Variants in ZNF483 observed in about 807,000 individuals in gnomAD.
The protein encoded by ZNF483 is zinc finger protein 483.
Under a neutral mutation model 28.6 loss-of-function variants are expected in ZNF483, and 9 were observed. The observed-to-expected ratio is 0.32, with a 90% CI of 0.19 to 0.55. The LOEUF is 0.55. Among genes scored for constraint, ZNF483 ranks in the 20% least tolerant of loss-of-function variants. The pLI, the probability that ZNF483 is intolerant of heterozygous loss-of-function variation, is 0.93. For missense variants in ZNF483, 675 were observed against 871.7 expected (o/e 0.77, Z 2.84); for synonymous variants, 322 against 306.2 (o/e 1.05, Z -0.54).
chr9:111,545,996 G>A lies in ZNF483; in HGVS notation c.*2826G>A, dbSNP rs1015049313. Reference sequence around the variant, plus strand: ...AAACTGCCAAATTGTTTTCCAAAGTGACCGCATTATTTTACATTCTGACTA... The same window carrying A: ...AAACTGCCAAATTGTTTTCCAAAGTAACCGCATTATTTTACATTCTGACTA... On this transcript the variant is annotated 3_prime_UTR_variant, in exon 6 of 6. Transcript: ENST00000309235. Among the ~76,000 whole-genome samples, 8 of 152,142 alleles carry A rather than the reference G, an allele frequency of 5.3e-5. No homozygotes were observed. The highest frequency in any genetic ancestry group is 2.0e-4 in the Admixed American group (3 of 15,270).
intron 5 of ZNF483, chr9:111,539,706 T>G: frequency 5.1e-6 from 1 of 195,372 alleles, no homozygotes; most frequent in Non-Finnish European, 1.1e-5. Flanking sequence ...GAGATTGCGG[T>G]GAGCCAAGAT....
At chr9:111,530,327 A>G (rs1827290590) in intron 2 of ZNF483, among the ~76,000 whole-genome samples, 1 of 152,190 alleles carries the variant, frequency 6.6e-6, no homozygotes, top group Non-Finnish European at 1.5e-5. Context: ...TGCCCTATGC[A>G]ATGCCTCATC....
At chr9:111,540,961 G>A (rs565029005) in intron 5 of ZNF483, among the ~76,000 whole-genome samples, 1 of 152,136 alleles carries the variant, frequency 6.6e-6, no homozygotes, top group African/African-American at 2.4e-5. Flanking sequence ...TAAATGCAGT[G>A]TATTGTACTT....
chr9:111,545,589 A>G lies in ZNF483; in HGVS notation c.*2419A>G, dbSNP rs1384012480. ...CAGTTAATCTCCCGTCCAACCTCTA[A>G]TCCCAGGCACCCACTACTCAGTCGA... On this transcript the variant is annotated 3_prime_UTR_variant, in exon 6 of 6. Coordinates refer to ENST00000309235, the MANE Select transcript of ZNF483 (RefSeq NM_133464.5). Among the ~76,000 whole-genome samples the G allele has an allele frequency of 6.6e-6, 1 of 152,090 alleles. No individual in the cohort carries two copies. The highest frequency in any genetic ancestry group is 1.5e-5 in the Non-Finnish European group (1 of 68,010).
chr9:111,557,731 ATT>A (rs1828166620), downstream of ZNF483, among the ~76,000 whole-genome samples: 1 of 151,996 alleles, frequency 6.6e-6, no homozygotes, highest in Non-Finnish European at 1.5e-5. Flanking sequence ...TGCCCGGCCC[ATT>A]TGTCTCATTA....
intron 5 of ZNF483, among the ~76,000 whole-genome samples, chr9:111,574,548 C>T (rs1219201358): frequency 6.6e-6 from 1 of 151,112 alleles, no homozygotes; most frequent in Non-Finnish European, 1.5e-5. Flanking sequence ...GGCATTTTGC[C>T]ATGTTGCCCA....
At chr9:111,557,093 C>G (rs1828145371), downstream of ZNF483, among the ~76,000 whole-genome samples, 1 of 152,318 alleles carries the variant, frequency 6.6e-6, no homozygotes, top group Non-Finnish European at 1.5e-5. Context: ...ATTGTCTTGG[C>G]TATTAACATT....
intron 5 of ZNF483, among the ~76,000 whole-genome samples, chr9:111,573,998 C>A (rs769871627): frequency 6.6e-6 from 1 of 152,196 alleles, no homozygotes; most frequent in Admixed American, 6.5e-5. Context: ...GAGGCCAAGA[C>A]GCCCTACTGC....
At chr9:111,574,718 T>G in intron 5 of ZNF483, 1 of 1,582,920 alleles carries the variant, frequency 6.3e-7, no homozygotes, top group South Asian at 1.1e-5. Flanking sequence ...TGGGATCGTG[T>G]GCATGTGCTC....
chr9:111,557,669 A>T (rs1828164674), downstream of ZNF483, among the ~76,000 whole-genome samples: 1 of 151,854 alleles, frequency 6.6e-6, no homozygotes, highest in South Asian at 2.1e-4. Context: ...GCCTCAAGTG[A>T]TCCGCCCACC....
rs1175274040 is a variant in ZNF483 at position 111,553,847 on chromosome 9, G to A, written c.*10677G>A. On this transcript the variant is annotated 3_prime_UTR_variant, in exon 6 of 6. Transcript: ENST00000309235. Reference sequence around the variant, plus strand: ...GTTGCTCTACGCAATCCTAGCCACAGAGAACCCAACAAATTGGAGTAGCTT... The same window carrying A: ...GTTGCTCTACGCAATCCTAGCCACAAAGAACCCAACAAATTGGAGTAGCTT... Among the ~76,000 whole-genome samples the A allele has an allele frequency of 1.3e-5, 2 of 152,240 alleles. No homozygotes were observed. Among genetic ancestry groups the A allele is most frequent in the Non-Finnish European group, 2.9e-5 (2 of 68,052 alleles).
At position 111,543,199 on chromosome 9, in the gene ZNF483, T is replaced by C. The variant is rs775442886; in HGVS notation, c.*29T>C. The C allele has an allele frequency of 6.4e-7, 1 of 1,552,948 alleles. No individual in the cohort carries two copies. Among genetic ancestry groups the C allele is most frequent in the South Asian group, 1.2e-5 (1 of 80,506 alleles). On this transcript the variant is annotated 3_prime_UTR_variant, in exon 6 of 6. Coordinates refer to ENST00000309235, the MANE Select transcript of ZNF483 (RefSeq NM_133464.5). ...TGGAACTACATTAAAGTGGGGGGAA[T>C]TTAATTCAAATTGTCAGTTACTGAA...
At chr9:111,529,376 C>G (rs1374389389) in intron 2 of ZNF483, among the ~76,000 whole-genome samples, 1 of 152,134 alleles carries the variant, frequency 6.6e-6, no homozygotes, top group Admixed American at 6.5e-5. Context: ...TTTTACTGCT[C>G]CTTGTGGAGC....
downstream of ZNF483, among the ~76,000 whole-genome samples, chr9:111,557,959 C>A (rs1223472328): frequency 6.6e-6 from 1 of 151,990 alleles, no homozygotes; most frequent in Non-Finnish European, 1.5e-5. Flanking sequence ...CCAGCCTGGC[C>A]AAAATAGTGA....
intron 5 of ZNF483, among the ~76,000 whole-genome samples, chr9:111,575,636 A>G (rs751006905): frequency 2.6e-5 from 4 of 152,278 alleles, no homozygotes; most frequent in Non-Finnish European, 4.4e-5. Context: ...GTGCTAAAGC[A>G]GTTCAATAGA....
At chr9:111,557,006 T>TA (rs1207662725), downstream of ZNF483, among the ~76,000 whole-genome samples, 3 of 152,212 alleles carry the variant, frequency 2.0e-5, no homozygotes, top group Non-Finnish European at 2.9e-5. Context: ...AACCATTTTT[T>TA]ATCTCCTAGG....
In ZNF483 at chr9:111,533,799, G is replaced by A; in HGVS notation, c.562G>A (p.Glu188Lys). 1 of 1,591,460 alleles carries A rather than the reference G, an allele frequency of 6.3e-7. No individual in the cohort carries two copies. The highest frequency in any genetic ancestry group is 8.5e-7 in the Non-Finnish European group (1 of 1,173,682). The change falls in exon 4 of 6, where the codon GAG (glutamate) becomes AAG (lysine). Residue 188 changes from glutamate to lysine, a missense_variant. By Grantham distance (56) the Glu-to-Lys change is moderately conservative (BLOSUM62 1). Coordinates refer to ENST00000309235, the MANE Select transcript of ZNF483 (RefSeq NM_133464.5). ...TTCAAGAGGAGAGTGGAAGAAGCTG[G>A]AGCCTTTTCAAAAGGAGCTATATAA... ...NFSRGEWKKLEPFQKELYKEV... is the reference protein window; with the variant it reads ...NFSRGEWKKLKPFQKELYKEV...
chr9:111,564,275 CTT>C (rs764719094), intron 5 of ZNF483: 9 of 692,834 alleles, frequency 1.3e-5, no homozygotes, highest in Non-Finnish European at 1.7e-5. Context: ...GAAATTTAAA[CTT>C]TTATTATTAT....
intron 2 of ZNF483, among the ~76,000 whole-genome samples, chr9:111,528,526 T>A (rs1326012563): frequency 6.6e-6 from 1 of 152,182 alleles, no homozygotes; most frequent in African/African-American, 2.4e-5. Context: ...GGAATGTGGC[T>A]CGCCTTTTTT....
Sources: allele counts gnomAD v4.1 joint callset (sites outside exome capture counted in the v4.1 genomes callset), GRCh38; gene constraint gnomAD v4.1.1; transcripts MANE v1.5; gene names NCBI Gene and HGNC (gene_info 2026-07-23, HGNC 2026-07-21).